Variants in TCP11L2 observed in about 807,000 individuals in gnomAD.
TCP11L2 encodes the protein t-complex 11 like 2, also known as T-complex protein 11-like protein 2.
In TCP11L2, 39 loss-of-function variants were observed where a neutral mutation model predicts 50.7. That is an observed-to-expected ratio of 0.77 (90% CI 0.60 to 1.01). The LOEUF is 1.01. TCP11L2 is among the 50% of genes least tolerant of loss of function. TCP11L2 has a pLI of 0.00. For missense variants in TCP11L2, 612 were observed against 614.7 expected (o/e 1.00, Z 0.05); for synonymous variants, 192 against 219.3 (o/e 0.88, Z 1.10).
intron 2 of TCP11L2, among the ~76,000 whole-genome samples, chr12:106,311,507 A>G (rs918856764): frequency 3.9e-5 from 6 of 152,200 alleles, no homozygotes; most frequent in Non-Finnish European, 7.3e-5. Flanking sequence ...TTTTCTCCCA[A>G]ACAGCAGAAA....
At chr12:106,315,333 C>T (rs1228866264) in intron 3 of TCP11L2, among the ~76,000 whole-genome samples, 2 of 152,186 alleles carry the variant, frequency 1.3e-5, no homozygotes, top group Admixed American at 6.5e-5. Context: ...CTGAGGGAAG[C>T]TTTTTCTGAC....
intron 3 of TCP11L2, among the ~76,000 whole-genome samples, chr12:106,316,882 T>C (rs1296812827): frequency 6.6e-6 from 1 of 152,198 alleles, no homozygotes; most frequent in African/African-American, 2.4e-5. Flanking sequence ...TTAAAATTTG[T>C]ATTTTTTATG....
chr12:106,317,186 CA>C (rs1241933718), intron 3 of TCP11L2, among the ~76,000 whole-genome samples: 1 of 152,318 alleles, frequency 6.6e-6, no homozygotes, highest in Non-Finnish European at 1.5e-5. Context: ...GCAAGGGAAA[CA>C]AAGTACAGAG....
At chr12:106,329,405 C>T in intron 6 of TCP11L2, 1 of 1,535,988 alleles carries the variant, frequency 6.5e-7, no homozygotes, top group Non-Finnish European at 8.7e-7. Context: ...CCGTGCCAGC[C>T]TGTGAGAGTG....
intron 2 of TCP11L2, among the ~76,000 whole-genome samples, chr12:106,313,582 A>AAAAT (rs71072668): frequency 0.41 from 57,067 of 139,044 alleles, 12,636 homozygotes; most frequent in African/African-American, 0.57. Flanking sequence ...CCATCTCAAA[A>AAAAT]AAATAAATAA....
At chr12:106,325,476 T>G (rs959567901) in intron 6 of TCP11L2, 3 of 152,236 alleles carry the variant, frequency 2.0e-5, no homozygotes, top group African/African-American at 4.8e-5. Flanking sequence ...GAAGGCATGT[T>G]TGGATTTGAC....
chr12:106,314,436 A>T lies in TCP11L2; in HGVS notation c.236A>T (p.His79Leu). ...AACTTATCAAACTTGACTCTTGCTCATGAGATTGCTGTAAATGAGAACTTT... is the reference window on the plus strand; with the variant it reads ...AACTTATCAAACTTGACTCTTGCTCTTGAGATTGCTGTAAATGAGAACTTT... Reference protein sequence around the residue: ...ARNLSNLTLAHEIAVNENFQL... With the variant: ...ARNLSNLTLALEIAVNENFQL... The change falls in exon 3 of 10, where the codon CAT becomes CTT. Residue 79 changes from histidine to leucine, a missense_variant. Transcript: ENST00000299045. 1 of 1,613,760 alleles carries T rather than the reference A, an allele frequency of 6.2e-7. No homozygotes were observed. Among genetic ancestry groups the T allele is most frequent in the Non-Finnish European group, 8.5e-7 (1 of 1,179,778 alleles).
intron 2 of TCP11L2, 145 bp from the exon 3 acceptor site, chr12:106,314,213 T>A: frequency 1.5e-6 from 1 of 674,316 alleles, no homozygotes; most frequent in East Asian, 2.8e-5. Context: ...CTGAGGGAAT[T>A]CACCTATTTT....
At chr12:106,307,991 A>G (rs1350228687) in intron 1 of TCP11L2, among the ~76,000 whole-genome samples, 1 of 152,174 alleles carries the variant, frequency 6.6e-6, no homozygotes, top group East Asian at 1.9e-4. Flanking sequence ...TAGAGTAATA[A>G]TGGGCATTTT....
At chr12:106,344,191 T>G (rs1410172042) in intron 9 of TCP11L2, among the ~76,000 whole-genome samples, 2 of 152,002 alleles carry the variant, frequency 1.3e-5, no homozygotes, top group African/African-American at 4.8e-5. Context: ...AAGGCTTAAG[T>G]CACCTTTGTT....
In TCP11L2 at chr12:106,343,822, A is replaced by AT. The variant is rs569563857; in HGVS notation, c.1316-2456dup. On this transcript the variant is annotated intron_variant, in intron 9 of 9. Coordinates refer to ENST00000299045, the MANE Select transcript of TCP11L2 (RefSeq NM_152772.3). ...CAGGTGCGGACCACCAAGCCCAGCTATTTTTTTTGTATTCTTAGTAGAGAC... is the reference window on the plus strand; with the variant it reads ...CAGGTGCGGACCACCAAGCCCAGCTATTTTTTTTTGTATTCTTAGTAGAGAC... Among the ~76,000 whole-genome samples, 154 of 151,050 alleles carry AT rather than the reference A, an allele frequency of 1.0e-3. No individual in the cohort carries two copies. The South Asian group carries it at 0.013, about 13-fold the overall frequency.
chr12:106,312,549 T>G, intron 2 of TCP11L2: 1 of 457,768 alleles, frequency 2.2e-6, no homozygotes, highest in Non-Finnish European at 3.0e-6. Context: ...ACCTTTCTCT[T>G]CTTCCTCCTC....
intron 9 of TCP11L2, among the ~76,000 whole-genome samples, chr12:106,345,981 C>T (rs553904218): frequency 2.8e-4 from 42 of 152,296 alleles, no homozygotes; most frequent in African/African-American, 9.6e-4. Flanking sequence ...AGTAGGTAGA[C>T]GGTGGACATG....
chr12:106,309,908 C>T (rs2034783610), intron 1 of TCP11L2, among the ~76,000 whole-genome samples: 1 of 152,172 alleles, frequency 6.6e-6, no homozygotes, highest in African/African-American at 2.4e-5. Flanking sequence ...TTTAAAAGCA[C>T]TGCATCCCTC....
intron 1 of TCP11L2, among the ~76,000 whole-genome samples, chr12:106,306,411 T>C (rs1470272792): frequency 1.3e-5 from 2 of 152,226 alleles, no homozygotes; most frequent in Non-Finnish European, 2.9e-5. Flanking sequence ...GTCATGGCCC[T>C]TTATTCCTAA....
intron 2 of TCP11L2, 112 bp downstream of exon 2, chr12:106,311,344 T>C (rs1271407045): frequency 5.6e-6 from 7 of 1,243,060 alleles, no homozygotes; most frequent in Admixed American, 2.4e-5. Context: ...CCTTTCTAGA[T>C]GCACCAGAAT....
At chr12:106,310,224 G>A (rs77890544) in intron 1 of TCP11L2, among the ~76,000 whole-genome samples, 68 of 152,302 alleles carry the variant, frequency 4.5e-4, no homozygotes, top group African/African-American at 1.6e-3. Context: ...GTTTTATCAT[G>A]TAGTAAATCC....
Position 106,318,604 on chromosome 12 carries a change from G to A in TCP11L2, c.414+140G>A, listed in dbSNP as rs539622207. ...GGAGGCTGGGAAGTCCAAAATCAAA[G>A]CACCACCAGATTCGGCATCTGGTGA... On this transcript the variant is annotated intron_variant, in intron 4 of 9. Coordinates refer to ENST00000299045, the MANE Select transcript of TCP11L2 (RefSeq NM_152772.3). The A allele has an allele frequency of 1.3e-4, 134 of 1,038,990 alleles. 1 individual carries two copies. Among genetic ancestry groups the A allele is most frequent in the Non-Finnish European group, 1.7e-4 (127 of 750,622 alleles). 64.4% of individuals were successfully genotyped at this position (1,038,990 alleles called of 1,614,324 possible).
chr12:106,342,672 G>T (rs370440334), intron 9 of TCP11L2, among the ~76,000 whole-genome samples: 2 of 152,320 alleles, frequency 1.3e-5, no homozygotes, highest in East Asian at 3.9e-4. Flanking sequence ...TTGTGAAATG[G>T]GTAAATGCAT....
Sources: gnomAD v4.1 joint callset for allele counts (sites outside exome capture counted in the v4.1 genomes callset) on GRCh38, gnomAD v4.1.1 for gene constraint, MANE v1.5 for transcripts, NCBI Gene and HGNC (gene_info 2026-07-23, HGNC 2026-07-21) for gene names.